Variants in DDB2 observed in about 807,000 individuals in gnomAD.
The protein encoded by DDB2 is DNA damage-binding protein 2.
Under a neutral mutation model 50.5 loss-of-function variants are expected in DDB2, and 27 were observed. The observed-to-expected ratio is 0.53, with a 90% CI of 0.39 to 0.74. The LOEUF (loss-of-function observed/expected upper bound fraction) is 0.74. DDB2 is among the 30% of genes least tolerant of loss of function. DDB2 has a pLI of 0.00. For synonymous variants in DDB2, 176 were observed against 205.5 expected (o/e 0.86, Z 1.23); for missense variants, 424 against 545.6 (o/e 0.78, Z 2.22).
intron 3 of DDB2, among the ~76,000 whole-genome samples, chr11:47,229,965 T>C (rs1953621382): frequency 6.6e-6 from 1 of 151,588 alleles, no homozygotes; most frequent in East Asian, 1.9e-4. Flanking sequence ...CGAATAGCTA[T>C]GAGCACAGGT....
At chr11:47,232,668 G>A in intron 3 of DDB2, 146 bp from the exon 4 acceptor site, 1 of 816,972 alleles carries the variant, frequency 1.2e-6, no homozygotes, top group Non-Finnish European at 2.1e-6. Flanking sequence ...TGAAGGCCCT[G>A]TAGAGAGCGT....
Position 47,217,580 on chromosome 11 carries a change from T to C in DDB2, c.456+531T>C, listed in dbSNP as rs576135909. Reference sequence around the variant, plus strand: ...TAAAATACTAGAAGATATAGACTATTGATCACCCATAGAATTGAAGCCCCT... The same window carrying C: ...TAAAATACTAGAAGATATAGACTATCGATCACCCATAGAATTGAAGCCCCT... On this transcript the variant is annotated intron_variant, in intron 3 of 9. Coordinates refer to ENST00000256996, the MANE Select transcript of DDB2 (RefSeq NM_000107.3). Among the ~76,000 whole-genome samples, 126 of 152,110 alleles carry C rather than the reference T, an allele frequency of 8.3e-4. 1 individual carries two copies. The highest frequency in any genetic ancestry group is 2.2e-3 in the African/African-American group (92 of 41,512).
rs1018639712 is a variant in DDB2 at position 47,216,753 on chromosome 11, G to A, written c.265-105G>A. 2.5e-6 allele frequency: 3 copies of A among 1,221,906 alleles called. No homozygotes were observed. In the African/African-American group the frequency reaches 4.4e-5, roughly 18 times the overall value. 75.7% of individuals were successfully genotyped at this position (1,221,906 alleles called of 1,614,324 possible). A position where few individuals can be genotyped will look rare whatever the true frequency, so the allele number is the denominator to read the frequency against. ...AGGGCAGGCAGTTAGCTTTCCTTTG[G>A]TGGGAGGACTTGGATCTAGGGCTCA... On this transcript the variant is annotated intron_variant, in intron 2 of 9. Coordinates refer to ENST00000256996, the MANE Select transcript of DDB2 (RefSeq NM_000107.3).
At chr11:47,220,529 T>C (rs1310635047) in intron 3 of DDB2, 3 of 152,228 alleles carry the variant, frequency 2.0e-5, no homozygotes, top group African/African-American at 7.2e-5. Context: ...CATCACCTTA[T>C]GACATGCGTG....
rs144368453 is a variant in DDB2 at position 47,237,926 on chromosome 11, G to A, written c.1113G>A (p.Thr371=). 29 of 1,614,026 alleles carry A rather than the reference G, an allele frequency of 1.8e-5. No homozygotes were observed. Among genetic ancestry groups the A allele is most frequent in the Non-Finnish European group, 2.5e-5 (29 of 1,180,022 alleles). Residue 371 remains threonine (T), a synonymous_variant, in exon 8 of 10, where the codon ACG becomes ACA. Transcript: ENST00000256996. ...FKSCTPYELR[T]IDVFDGNSGK... is the part of the protein sequence containing the mutation. ...GTTGTACCCCTTATGAATTGAGGAC[G>A]ATCGACGTGTTCGATGGAAACTCAG...
chr11:47,219,705 A>C (rs2135489189), intron 3 of DDB2, among the ~76,000 whole-genome samples: 1 of 152,296 alleles, frequency 6.6e-6, no homozygotes, highest in Non-Finnish European at 1.5e-5. Context: ...TCTCAGCCGA[A>C]TTCTGCTTCA....
At chr11:47,215,966 G>T in intron 1 of DDB2, 1 of 354,364 alleles carries the variant, frequency 2.8e-6, no homozygotes, top group Non-Finnish European at 5.4e-6. Flanking sequence ...TCTTTTTATT[G>T]TGCATTATAT....
chr11:47,221,503 A>G (rs1953484645), intron 3 of DDB2, among the ~76,000 whole-genome samples: 2 of 151,992 alleles, frequency 1.3e-5, no homozygotes, highest in South Asian at 4.1e-4. Flanking sequence ...GGAGTGCAGT[A>G]GCACGATCTC....
chr11:47,218,137 A>G (rs1187627824), intron 3 of DDB2, among the ~76,000 whole-genome samples: 1 of 152,130 alleles, frequency 6.6e-6, no homozygotes, highest in Non-Finnish European at 1.5e-5. Flanking sequence ...CTCATAACGT[A>G]GATCCCACTC....
chr11:47,237,652 G>T lies in DDB2; in HGVS notation c.1024-185G>T, dbSNP rs1953750219. Reference sequence around the variant, plus strand: ...GGGTTTCACCATGTTAGCCAGGATGGTCTCGATCTCCTGACCTCGTGATCC... The same window carrying T: ...GGGTTTCACCATGTTAGCCAGGATGTTCTCGATCTCCTGACCTCGTGATCC... On this transcript the variant is annotated intron_variant, in intron 7 of 9. Coordinates refer to ENST00000256996, the MANE Select transcript of DDB2 (RefSeq NM_000107.3). 34 of 621,748 alleles carry T rather than the reference G, an allele frequency of 5.5e-5. 1 individual carries two copies. In the South Asian group the frequency reaches 5.8e-4, roughly 11 times the overall value. The allele number at this position is 621,748 out of a possible 1,614,324, so 38.5% of individuals were successfully genotyped here. A position where few individuals can be genotyped will look rare whatever the true frequency, so the allele number is the denominator to read the frequency against.
intron 3 of DDB2, among the ~76,000 whole-genome samples, chr11:47,228,033 G>A (rs1276938026): frequency 6.6e-6 from 1 of 151,440 alleles, no homozygotes; most frequent in East Asian, 1.9e-4. Flanking sequence ...CCAGCTACCC[G>A]GGAGGTTGAG....
At chr11:47,231,135 A>AAAAAC (rs1953643013) in intron 3 of DDB2, among the ~76,000 whole-genome samples, 1 of 151,198 alleles carries the variant, frequency 6.6e-6, no homozygotes, top group Non-Finnish European at 1.5e-5. Context: ...AAAAAAAAAA[A>AAAAAC]AAAAAAAAAC....
chr11:47,214,983 A>G lies in DDB2; in HGVS notation c.-154A>G. On this transcript the variant is annotated 5_prime_UTR_variant, in exon 1 of 10. Transcript: ENST00000256996. ...GCCGGAGCTCCAAGCTGGTTTGAAC[A>G]AGCCCTGGGCATGTTTGGCGGGAAG... 1 of 1,149,710 alleles carries G rather than the reference A, an allele frequency of 8.7e-7. No homozygotes were observed. The highest frequency in any genetic ancestry group is 1.3e-6 in the Non-Finnish European group (1 of 777,452). 71.2% of individuals were successfully genotyped at this position (1,149,710 alleles called of 1,614,324 possible).
Position 47,235,334 on chromosome 11 carries a change from C to T in DDB2, c.945C>T (p.Tyr315=), listed in dbSNP as rs777763167. The part of the protein sequence containing the change: ...TTDQKSEIRV[Y]SASQWDCPLG... ...ACCAGAAGAGCGAGATCCGAGTTTA[C>T]TCTGCTTCCCAGTGGGACTGCCCCC... The change falls in exon 7 of 10, where the codon TAC becomes TAT. Residue 315 remains tyrosine (Y), a synonymous_variant. Transcript: ENST00000256996. 2 of 1,614,076 alleles carry T rather than the reference C, an allele frequency of 1.2e-6. No homozygotes were observed. The highest frequency in any genetic ancestry group is 1.1e-5 in the South Asian group (1 of 91,088).
intron 3 of DDB2, among the ~76,000 whole-genome samples, chr11:47,223,035 G>C (rs1271409387): frequency 6.6e-6 from 1 of 152,126 alleles, no homozygotes; most frequent in Non-Finnish European, 1.5e-5. Flanking sequence ...AAAGTATTTT[G>C]CCTTTATTTT....
rs1590987254 is a variant in DDB2, at chr11:47,215,049, T to A, written c.-88T>A. 1 of 1,602,316 alleles carries A rather than the reference T, an allele frequency of 6.2e-7. No homozygotes were observed. The highest frequency in any genetic ancestry group is 2.2e-5 in the East Asian group (1 of 44,740). Reference sequence around the variant, plus strand: ...TACCTGTGGCCCCGCAGTTTTGTAGTCCCCGCCTTGTTTCTCCCCAGAGGC... The same window carrying A: ...TACCTGTGGCCCCGCAGTTTTGTAGACCCCGCCTTGTTTCTCCCCAGAGGC... On this transcript the variant is annotated 5_prime_UTR_variant, in exon 1 of 10. Coordinates refer to ENST00000256996, the MANE Select transcript of DDB2 (RefSeq NM_000107.3).
Position 47,235,411 on chromosome 11 carries a change from A to G in DDB2, c.1022A>G (p.Lys341Arg). 3 of 1,612,032 alleles carry G rather than the reference A, an allele frequency of 1.9e-6. No homozygotes were observed. Among genetic ancestry groups the G allele is most frequent in the Non-Finnish European group, 2.5e-6 (3 of 1,179,988 alleles). ...CACTTCCAGCACCTCACACCCATCA[A>G]GGTGAGTGGCGGTGGGAAGGAGCTC... is the stretch of plus-strand genomic sequence containing the variant. ...HRHFQHLTPIKAAWHPRYNLI... is the reference protein window; with the variant it reads ...HRHFQHLTPIRAAWHPRYNLI... The change falls in exon 7 of 10, where the codon AAG becomes AGG. Residue 341 changes from lysine (K) to arginine (R), a missense_variant and splice_region_variant. Coordinates refer to ENST00000256996, the MANE Select transcript of DDB2 (RefSeq NM_000107.3).
chr11:47,218,595 ATC>A (rs1371834373), intron 3 of DDB2, among the ~76,000 whole-genome samples: 2 of 152,186 alleles, frequency 1.3e-5, no homozygotes, highest in Non-Finnish European at 2.9e-5. Context: ...AGAGTTTATC[ATC>A]CATTGCTGAG....
At position 47,234,944 on chromosome 11, in the gene DDB2, C is replaced by G. The variant is rs1266261760; in HGVS notation, c.880+10C>G. The G allele has an allele frequency of 1.9e-6, 3 of 1,613,904 alleles. No homozygotes were observed. Among genetic ancestry groups the G allele is most frequent in the East Asian group, 2.2e-5 (1 of 44,880 alleles). ...CATCCTGTCAACGCAGGTGTGATAT[C>G]CCAGACCTCATCTCTCCTGCAGACC... On this transcript the variant is annotated intron_variant, in intron 6 of 9. Coordinates refer to ENST00000256996, the MANE Select transcript of DDB2 (RefSeq NM_000107.3).
Sources: gnomAD v4.1 joint callset for allele counts (sites outside exome capture counted in the v4.1 genomes callset) on GRCh38, gnomAD v4.1.1 for gene constraint, MANE v1.5 for transcripts, NCBI Gene and HGNC (gene_info 2026-07-23, HGNC 2026-07-21) for gene names.